Variants in SNTB1 observed in about 807,000 individuals in gnomAD.
SNTB1 encodes the protein beta-1-syntrophin.
Under a neutral mutation model 48.9 loss-of-function variants are expected in SNTB1, and 36 were observed. That is an observed-to-expected ratio of 0.74 (90% CI 0.56 to 0.97). The LOEUF (loss-of-function observed/expected upper bound fraction) is 0.97, where lower values mean the gene tolerates loss of function less well. Ranked by LOEUF, SNTB1 falls within the 50% of genes least tolerant of loss-of-function variation. The pLI is 0.00. For missense variants in SNTB1, 786 were observed against 703.4 expected (o/e 1.12, Z -1.33); for synonymous variants, 299 against 294.6 (o/e 1.01, Z -0.15).
intron 2 of SNTB1, among the ~76,000 whole-genome samples, chr8:120,677,867 C>A (rs1222997249): frequency 6.6e-6 from 1 of 152,134 alleles, no homozygotes; most frequent in African/African-American, 2.4e-5. Flanking sequence ...TTCAAGGCTG[C>A]ACAACGGATT....
intron 1 of SNTB1, among the ~76,000 whole-genome samples, chr8:120,743,206 A>C (rs1819071255): frequency 6.6e-6 from 1 of 152,166 alleles, no homozygotes; most frequent in Non-Finnish European, 1.5e-5. Context: ...GTAGAGACCA[A>C]ATATGTGAGG....
At chr8:120,752,409 A>T (rs1819235047) in intron 1 of SNTB1, among the ~76,000 whole-genome samples, 1 of 152,140 alleles carries the variant, frequency 6.6e-6, no homozygotes, top group Non-Finnish European at 1.5e-5. Flanking sequence ...GACCACCCTC[A>T]TAAGAATTTG....
At chr8:120,733,894 T>C (rs1373116432) in intron 1 of SNTB1, among the ~76,000 whole-genome samples, 1 of 152,206 alleles carries the variant, frequency 6.6e-6, no homozygotes, top group East Asian at 1.9e-4. Flanking sequence ...CTCACGGTAT[T>C]GTAAGATCTG....
chr8:120,577,135 C>A (rs1815964625), intron 3 of SNTB1, among the ~76,000 whole-genome samples: 1 of 152,168 alleles, frequency 6.6e-6, no homozygotes. Flanking sequence ...AATACCTTTT[C>A]TTCCCATCCT....
intron 5 of SNTB1, among the ~76,000 whole-genome samples, chr8:120,543,876 G>A (rs191119494): frequency 4.3e-4 from 66 of 151,946 alleles, no homozygotes; most frequent in South Asian, 1.5e-3. Context: ...CCTGCCCTCC[G>A]CCAGCCCTCC....
In SNTB1 at chr8:120,575,138, T is replaced by G; in HGVS notation, c.1084A>C (p.Arg362=). The change falls in exon 4 of 7, where the codon AGG becomes CGG. Residue 362 remains arginine (R), a synonymous_variant. Transcript: ENST00000517992. ...DLLIYDSMPR[R]KEAWFSPVHT... ...ACTGGGCTGAACCAGGCTTCCTTCCTCCGTGGCATGCTGTCATAGATTAAA... is the reference window on the plus strand; with the variant it reads ...ACTGGGCTGAACCAGGCTTCCTTCCGCCGTGGCATGCTGTCATAGATTAAA... 1 of 1,614,178 alleles carries G rather than the reference T, an allele frequency of 6.2e-7. No individual in the cohort carries two copies. Among genetic ancestry groups the G allele is most frequent in the Non-Finnish European group, 8.5e-7 (1 of 1,180,020 alleles).
chr8:120,598,986 T>C (rs1420214353), intron 3 of SNTB1, among the ~76,000 whole-genome samples: 3 of 152,206 alleles, frequency 2.0e-5, no homozygotes, highest in African/African-American at 7.2e-5. Flanking sequence ...TATGTCTGCA[T>C]GGCAAGGTCT....
chr8:120,651,338 C>G (rs1244039788), intron 2 of SNTB1, among the ~76,000 whole-genome samples: 1 of 152,200 alleles, frequency 6.6e-6, no homozygotes, highest in Non-Finnish European at 1.5e-5. Flanking sequence ...TTGCAAGATA[C>G]TGAAAGATTT....
chr8:120,693,860 A>G lies in SNTB1; in HGVS notation c.620T>C (p.Val207Ala), dbSNP rs751483371. The G allele has an allele frequency of 6.8e-6, 11 of 1,614,016 alleles. No individual in the cohort carries two copies. The highest frequency in any genetic ancestry group is 9.3e-6 in the Non-Finnish European group (11 of 1,180,010). Residue 207 changes from valine to alanine, a missense_variant, in exon 2 of 7, where the codon GTA becomes GCA. Val to Ala is a moderately conservative substitution (Grantham distance 64). Transcript: ENST00000517992. ...AGGTGTTTCCCACCCAATCTCGGATACTGGGGATCCTTTCTTCACATAGGG... is the reference window on the plus strand; with the variant it reads ...AGGTGTTTCCCACCCAATCTCGGATGCTGGGGATCCTTTCTTCACATAGGG... ...ATPYVKKGSP[V>A]SEIGWETPPP...
intron 3 of SNTB1, among the ~76,000 whole-genome samples, chr8:120,623,297 C>G (rs1201238282): frequency 6.6e-6 from 1 of 152,198 alleles, no homozygotes; most frequent in African/African-American, 2.4e-5. Flanking sequence ...TTGAGCCTCA[C>G]ATGTTTCCAA....
At chr8:120,611,572 C>T (rs1816623041) in intron 3 of SNTB1, among the ~76,000 whole-genome samples, 1 of 151,542 alleles carries the variant, frequency 6.6e-6, no homozygotes, top group Non-Finnish European at 1.5e-5. Context: ...GCCTGTAATC[C>T]CAGCACTTTG....
intron 3 of SNTB1, among the ~76,000 whole-genome samples, chr8:120,581,509 C>T (rs9969577): frequency 0.035 from 5,363 of 152,106 alleles, 349 homozygotes; most frequent in African/African-American, 0.12. Flanking sequence ...GAGGCTGAGG[C>T]ATGAGAATCG....
chr8:120,764,991 C>T (rs1031840124), intron 1 of SNTB1, among the ~76,000 whole-genome samples: 3 of 152,166 alleles, frequency 2.0e-5, no homozygotes, highest in East Asian at 3.9e-4. Context: ...TCCAGGAGGC[C>T]GAGGTGGGCG....
intron 2 of SNTB1, among the ~76,000 whole-genome samples, chr8:120,634,645 A>T (rs1817043432): frequency 6.6e-6 from 1 of 152,194 alleles, no homozygotes; most frequent in Non-Finnish European, 1.5e-5. Flanking sequence ...TATGCCCAGT[A>T]ATGTCCCACC....
intron 1 of SNTB1, among the ~76,000 whole-genome samples, chr8:120,793,817 T>C (rs1587167753): frequency 6.6e-6 from 1 of 152,062 alleles, no homozygotes; most frequent in East Asian, 1.9e-4. Flanking sequence ...AATTTTAATG[T>C]TGCTGCCAAA....
At chr8:120,589,560 C>T (rs1816205115) in intron 3 of SNTB1, among the ~76,000 whole-genome samples, 1 of 152,192 alleles carries the variant, frequency 6.6e-6, no homozygotes, top group African/African-American at 2.4e-5. Context: ...TTATTTCTCA[C>T]AGTTCTGGAG....
rs1815213163 is a variant in SNTB1 at position 120,537,009 on chromosome 8, A to G, written c.*1868T>C. 1 of 152,072 alleles carries G rather than the reference A, an allele frequency of 6.6e-6. No homozygotes were observed. Among genetic ancestry groups the G allele is most frequent in the Admixed American group, 6.6e-5 (1 of 15,254 alleles). The allele number at this position is 152,072 out of a possible 1,614,324, so 9.4% of individuals were successfully genotyped here. On this transcript the variant is annotated 3_prime_UTR_variant, in exon 7 of 7. Transcript: ENST00000517992. ...CCAGTGATTTTGAAAATATATAGTGAAAGAGTGCAATATAATTTACAAATG... is the reference window on the plus strand; with the variant it reads ...CCAGTGATTTTGAAAATATATAGTGGAAGAGTGCAATATAATTTACAAATG...
At chr8:120,761,893 G>A (rs1415668523) in intron 1 of SNTB1, among the ~76,000 whole-genome samples, 1 of 152,218 alleles carries the variant, frequency 6.6e-6, no homozygotes, top group Non-Finnish European at 1.5e-5. Flanking sequence ...CTAAGATGCA[G>A]GATTCACATC....
At chr8:120,565,075 G>T (rs1815728317) in intron 4 of SNTB1, among the ~76,000 whole-genome samples, 2 of 151,948 alleles carry the variant, frequency 1.3e-5, no homozygotes, top group African/African-American at 4.8e-5. Flanking sequence ...ACATTTTGTT[G>T]GCTTATTTCT....
Sources: gnomAD v4.1 joint callset for allele counts (sites outside exome capture counted in the v4.1 genomes callset) on GRCh38, gnomAD v4.1.1 for gene constraint, MANE v1.5 for transcripts, NCBI Gene and HGNC (gene_info 2026-07-23, HGNC 2026-07-21) for gene names.